Variants in PLEKHA8 observed in about 807,000 individuals in gnomAD.
The protein encoded by PLEKHA8 is pleckstrin homology domain containing A8, also known as pleckstrin homology domain-containing family A member 8.
In PLEKHA8, 36 loss-of-function variants were observed where a neutral mutation model predicts 68.2. That is an observed-to-expected ratio of 0.53 (90% confidence interval 0.40 to 0.70). The LOEUF is 0.70. PLEKHA8 is among the 30% of genes least tolerant of loss of function. The probability of loss-of-function intolerance (pLI) is 0.00; values close to 1 mark genes in which losing one functional copy is unlikely to be tolerated. For synonymous variants in PLEKHA8, 211 were observed against 216.1 expected (o/e 0.98, Z 0.20); for missense variants, 505 against 615.4 (o/e 0.82, Z 1.90).
At chr7:30,042,747 C>T (rs1791637456) in intron 1 of PLEKHA8, among the ~76,000 whole-genome samples, 1 of 152,214 alleles carries the variant, frequency 6.6e-6, no homozygotes, top group Admixed American at 6.5e-5. Flanking sequence ...TTTCAAAGAC[C>T]TCTTCCTTTT....
chr7:30,045,787 A>G (rs1470764895), intron 2 of PLEKHA8, among the ~76,000 whole-genome samples: 1 of 152,214 alleles, frequency 6.6e-6, no homozygotes, highest in Non-Finnish European at 1.5e-5. Flanking sequence ...GGGAAGTAGA[A>G]GATGGAAAAG....
chr7:30,054,932 G>A (rs1430722721), intron 8 of PLEKHA8, 67 bp downstream of exon 8: 2 of 1,446,098 alleles, frequency 1.4e-6, no homozygotes, highest in Admixed American at 2.0e-5. Context: ...ATCAGTCATG[G>A]TGTTCCTTTC....
intron 13 of PLEKHA8, chr7:30,118,150 C>T (rs1769707049): frequency 1.4e-5 from 10 of 716,570 alleles, no homozygotes; most frequent in Non-Finnish European, 2.1e-5. Flanking sequence ...GCCCAGCAAG[C>T]CCCGAGATGC....
At chr7:30,092,568 A>C (rs1583460856), downstream of PLEKHA8, among the ~76,000 whole-genome samples, 1 of 152,146 alleles carries the variant, frequency 6.6e-6, no homozygotes, top group Non-Finnish European at 1.5e-5. Flanking sequence ...ATTAGGATGC[A>C]CCTGACACTC....
Position 30,083,160 on chromosome 7 carries a change from G to T in PLEKHA8, c.*4373G>T. 8.1e-6 allele frequency: 8 copies of T among 983,422 alleles called. No homozygotes were observed. The highest frequency in any genetic ancestry group is 9.7e-6 in the Non-Finnish European group (8 of 828,330). The allele number at this position is 983,422 out of a possible 1,614,324, so 60.9% of individuals were successfully genotyped here. A position where few individuals can be genotyped will look rare whatever the true frequency, so the allele number is the denominator to read the frequency against. On this transcript the variant is annotated 3_prime_UTR_variant, in exon 14 of 14. Coordinates refer to ENST00000449726, the MANE Select transcript of PLEKHA8 (RefSeq NM_001197026.2). ...TTTGGTCTTAGAGGGCCTGACTTCA[G>T]ATACTCTTTGTGATCTTGTAAGGGC...
chr7:30,033,503 G>A (rs1790815839), intron 1 of PLEKHA8, among the ~76,000 whole-genome samples: 1 of 152,068 alleles, frequency 6.6e-6, no homozygotes, highest in Non-Finnish European at 1.5e-5. Flanking sequence ...CATTGTATAT[G>A]TATACCATAT....
chr7:30,099,558 A>C (rs373000070), intron 13 of PLEKHA8, among the ~76,000 whole-genome samples: 1 of 152,300 alleles, frequency 6.6e-6, no homozygotes, highest in Non-Finnish European at 1.5e-5. Context: ...TTTGGCTGCA[A>C]ATGACCAAAG....
intron 13 of PLEKHA8, among the ~76,000 whole-genome samples, chr7:30,105,976 C>G (rs966579261): frequency 4.6e-5 from 7 of 151,756 alleles, no homozygotes; most frequent in African/African-American, 1.5e-4. Flanking sequence ...ACAGAATTCC[C>G]TATTCAAATA....
At chr7:30,063,564 C>CT (rs1206487482) in intron 12 of PLEKHA8, among the ~76,000 whole-genome samples, 3 of 152,122 alleles carry the variant, frequency 2.0e-5, no homozygotes, top group Non-Finnish European at 4.4e-5. Flanking sequence ...TTCTCTGTGG[C>CT]TTTTTTTCAG....
intron 1 of PLEKHA8, among the ~76,000 whole-genome samples, chr7:30,036,043 G>T (rs1375897797): frequency 1.3e-5 from 2 of 152,020 alleles, no homozygotes; most frequent in African/African-American, 2.4e-5. Flanking sequence ...ATCGCTTGAG[G>T]CCAGGAGTTT....
Position 30,082,244 on chromosome 7 carries a change from A to G in PLEKHA8, c.*3457A>G, listed in dbSNP as rs1374458182. 2 of 985,460 alleles carry G rather than the reference A, an allele frequency of 2.0e-6. No individual in the cohort carries two copies. Among genetic ancestry groups the G allele is most frequent in the South Asian group, 4.7e-5 (1 of 21,290 alleles). 61.0% of individuals were successfully genotyped at this position (985,460 alleles called of 1,614,324 possible). ...CCATGATGAGGGATTTCTGAACTCC[A>G]TAGTCCAGCGTTGTTGCTTTTCTCT... On this transcript the variant is annotated 3_prime_UTR_variant, in exon 14 of 14. Transcript: ENST00000449726.
Position 30,083,158 on chromosome 7 carries a change from C to T in PLEKHA8, c.*4371C>T. The T allele has an allele frequency of 1.0e-6, 1 of 983,424 alleles. No individual in the cohort carries two copies. Among genetic ancestry groups the T allele is most frequent in the Non-Finnish European group, 1.2e-6 (1 of 828,250 alleles). The allele number at this position is 983,424 out of a possible 1,614,324, so 60.9% of individuals were successfully genotyped here. ...TGTTTGGTCTTAGAGGGCCTGACTTCAGATACTCTTTGTGATCTTGTAAGG... is the reference window on the plus strand; with the variant it reads ...TGTTTGGTCTTAGAGGGCCTGACTTTAGATACTCTTTGTGATCTTGTAAGG... On this transcript the variant is annotated 3_prime_UTR_variant, in exon 14 of 14. Coordinates refer to ENST00000449726, the MANE Select transcript of PLEKHA8 (RefSeq NM_001197026.2).
intron 13 of PLEKHA8, among the ~76,000 whole-genome samples, chr7:30,098,541 G>C (rs970098616): frequency 1.3e-5 from 2 of 152,220 alleles, no homozygotes; most frequent in Non-Finnish European, 2.9e-5. Flanking sequence ...GCAGGTGCCC[G>C]TCCCCCAGCC....
intron 12 of PLEKHA8, 81 bp from the exon 13 acceptor site, chr7:30,073,987 TTAA>T: frequency 1.7e-6 from 2 of 1,178,130 alleles, no homozygotes; most frequent in Non-Finnish European, 2.4e-6. Flanking sequence ...CCCTGTCTCT[TTAA>T]AAAAAAAAAA....
chr7:30,077,844 G>T (rs376978503), intron 13 of PLEKHA8, among the ~76,000 whole-genome samples: 33 of 152,256 alleles, frequency 2.2e-4, no homozygotes, highest in Non-Finnish European at 1.9e-4. Context: ...ATATTGGCCC[G>T]CAAAGGAAGA....
At chr7:30,030,551 A>G (rs1790582694) in intron 1 of PLEKHA8, among the ~76,000 whole-genome samples, 2 of 152,222 alleles carry the variant, frequency 1.3e-5, no homozygotes, top group African/African-American at 4.8e-5. Flanking sequence ...GAGTGGTGCT[A>G]GGGTGGAAAC....
At chr7:30,050,308 G>A in intron 5 of PLEKHA8, 126 bp from the exon 6 acceptor site, 1 of 1,277,960 alleles carries the variant, frequency 7.8e-7, no homozygotes, top group African/African-American at 1.6e-5. Flanking sequence ...AATTGTTTTT[G>A]TTTAGTGGGG....
chr7:30,055,356 A>G lies in PLEKHA8; in HGVS notation c.1039+14A>G, dbSNP rs772184503. On this transcript the variant is annotated intron_variant, in intron 9 of 13. Coordinates refer to ENST00000449726, the MANE Select transcript of PLEKHA8 (RefSeq NM_001197026.2). ...TTCCAGTATTAGGTAAGATTCCTGC[A>G]GTTGCCTTACATTCATTCATGTCTA... 6 of 1,609,330 alleles carry G rather than the reference A, an allele frequency of 3.7e-6. No homozygotes were observed. The highest frequency in any genetic ancestry group is 5.1e-6 in the Non-Finnish European group (6 of 1,175,590).
chr7:30,040,956 A>G (rs1791486119), intron 1 of PLEKHA8, among the ~76,000 whole-genome samples: 1 of 152,254 alleles, frequency 6.6e-6, no homozygotes, highest in Admixed American at 6.5e-5. Context: ...GGAGTAGTAC[A>G]GACCAACAGT....
Sources: allele counts gnomAD v4.1 joint callset (sites outside exome capture counted in the v4.1 genomes callset), GRCh38; gene constraint gnomAD v4.1.1; transcripts MANE v1.5; gene names NCBI Gene and HGNC (gene_info 2026-07-23, HGNC 2026-07-21).